The following NPRL3 variants were observed in gnomAD, a reference collection of about 807,000 sequenced individuals.
The protein encoded by NPRL3 is GATOR1 complex protein NPRL3.
A neutral mutation model predicts 57.2 loss-of-function variants in NPRL3; 23 were observed. That is an observed-to-expected ratio of 0.40 (90% CI 0.29 to 0.57). The LOEUF (loss-of-function observed/expected upper bound fraction) is 0.57, where lower values mean the gene tolerates loss of function less well. Ranked by LOEUF, NPRL3 falls within the 20% of genes least tolerant of loss-of-function variation. The pLI is 0.42. For missense variants in NPRL3, 691 were observed against 767.1 expected (o/e 0.90, Z 1.17); for synonymous variants, 333 against 321.1 (o/e 1.04, Z -0.39).
intron 9 of NPRL3, among the ~76,000 whole-genome samples, chr16:94,540 G>A (rs1185111070): frequency 5.9e-5 from 9 of 152,168 alleles, no homozygotes; most frequent in African/African-American, 2.2e-4. Flanking sequence ...CCTGAACCTC[G>A]GAGTTCGAGA....
chr16:116,974 CA>C (rs34231279), intron 5 of NPRL3, among the ~76,000 whole-genome samples: 76,504 of 149,358 alleles, frequency 0.51, 21,218 homozygotes, highest in African/African-American at 0.74. Context: ...GATTCTGTCT[CA>C]AAAAAAAAAA....
chr16:129,812 A>T (rs1457676104), intron 3 of NPRL3, among the ~76,000 whole-genome samples: 1 of 152,206 alleles, frequency 6.6e-6, no homozygotes, highest in Admixed American at 6.6e-5. Context: ...GTGGAAGCCA[A>T]GTCCTTTACT....
rs772565196 is a variant in NPRL3 at position 89,852 on chromosome 16, G to T, written c.1212C>A (p.Ile404=). The T allele has an allele frequency of 1.3e-5, 20 of 1,572,754 alleles. No homozygotes were observed. In the African/African-American group the frequency reaches 2.4e-4, roughly 19 times the overall value. ...TCAGGCAGACATAGGTGTGCAGCTG[G>T]ATGAGAAGCCGGCGCTGCAGCATCC... ...VVWMLQRRLL[I]QLHTYVCLMA... The change falls in exon 12 of 14, where the codon ATC becomes ATA. Residue 404 remains isoleucine (I), a synonymous_variant. Transcript: ENST00000611875.
intron 3 of NPRL3, among the ~76,000 whole-genome samples, chr16:120,038 G>A (rs1900217133): frequency 6.6e-6 from 1 of 152,158 alleles, no homozygotes; most frequent in African/African-American, 2.4e-5. Flanking sequence ...CCTGCCTGGG[G>A]AGATCTGGAT....
chr16:106,527 G>A (rs371250564), intron 7 of NPRL3, among the ~76,000 whole-genome samples: 4 of 150,878 alleles, frequency 2.7e-5, no homozygotes, highest in African/African-American at 4.9e-5. Context: ...CCAGCTACTC[G>A]GGAGGCCGAG....
At chr16:94,958 C>T (rs376844095) in intron 9 of NPRL3, among the ~76,000 whole-genome samples, 11 of 152,278 alleles carry the variant, frequency 7.2e-5, no homozygotes, top group East Asian at 1.9e-4. Flanking sequence ...AAGGTGCCAG[C>T]AGGACCAGGC....
chr16:117,738 C>T (rs1900107257), intron 4 of NPRL3, among the ~76,000 whole-genome samples: 1 of 152,240 alleles, frequency 6.6e-6, no homozygotes, highest in Non-Finnish European at 1.5e-5. Flanking sequence ...GACGCATACT[C>T]AGAACAATTG....
rs1901223419 is a variant in NPRL3, at chr16:138,327, G to C, written c.-60C>G. ...CCAGAGGAGGACGGAGCCGGAGGCG[G>C]AGGGGGCCTGAGGAGGACGGAGCCG... On this transcript the variant is annotated 5_prime_UTR_variant, in exon 2 of 14. Coordinates refer to ENST00000611875, the MANE Select transcript of NPRL3 (RefSeq NM_001077350.3). 7 of 799,392 alleles carry C rather than the reference G, an allele frequency of 8.8e-6. No individual in the cohort carries two copies. The South Asian group carries it at 9.0e-5, about 10-fold the overall frequency. The allele number at this position is 799,392 out of a possible 1,614,324, so 49.5% of individuals were successfully genotyped here.
At chr16:134,691 ATTATTTTTTTTT>A (rs1486777616) in intron 2 of NPRL3, among the ~76,000 whole-genome samples, 3 of 108,498 alleles carry the variant, frequency 2.8e-5, no homozygotes, top group Admixed American at 1.2e-4. Context: ...AGTAATTATT[ATTATTTTTTTTT>A]TTTTTTTTTT....
chr16:99,464 G>A (rs1011915237), intron 8 of NPRL3, among the ~76,000 whole-genome samples: 7 of 151,950 alleles, frequency 4.6e-5, no homozygotes, highest in African/African-American at 1.7e-4. Flanking sequence ...CCAACATGGT[G>A]AAACCCCATC....
At chr16:123,057 T>C (rs1166500998) in intron 3 of NPRL3, among the ~76,000 whole-genome samples, 1 of 152,170 alleles carries the variant, frequency 6.6e-6, no homozygotes, top group Non-Finnish European at 1.5e-5. Context: ...GCATCACACT[T>C]AATGCCCAAC....
chr16:106,792 C>T (rs1168147079), intron 7 of NPRL3, among the ~76,000 whole-genome samples: 1 of 152,132 alleles, frequency 6.6e-6, no homozygotes, highest in Non-Finnish European at 1.5e-5. Context: ...GAAAGGCGCT[C>T]TGTCCTAGGT....
chr16:117,282 C>T lies in NPRL3; in HGVS notation c.393+19G>A. The stretch of plus-strand genomic sequence containing the variant: ...ACTGGCCCCACTCCCTGATCTTAAC[C>T]ATTTATATAAACACTCACCCTCAGT... On this transcript the variant is annotated intron_variant, in intron 5 of 13. Coordinates refer to ENST00000611875, the MANE Select transcript of NPRL3 (RefSeq NM_001077350.3). 1 of 1,567,976 alleles carries T rather than the reference C, an allele frequency of 6.4e-7. No homozygotes were observed.
At chr16:126,239 G>C (rs371665966) in intron 3 of NPRL3, 5 of 147,508 alleles carry the variant, frequency 3.4e-5, no homozygotes, top group Non-Finnish European at 5.9e-5. Flanking sequence ...TGGCCAACAT[G>C]GAGAAACCCT....
intron 12 of NPRL3, chr16:89,162 G>C (rs1329340131): frequency 2.6e-5 from 12 of 464,694 alleles, no homozygotes; most frequent in Middle Eastern, 5.6e-4. Context: ...ACCCCAAGGT[G>C]GGCCTGGGCA....
rs187634817 is a variant in NPRL3 at position 119,468 on chromosome 16, G to A, written c.189-213C>T. 4 of 583,990 alleles carry A rather than the reference G, an allele frequency of 6.8e-6. No individual in the cohort carries two copies. In the Admixed American group the frequency reaches 9.0e-5, roughly 13 times the overall value. The allele number at this position is 583,990 out of a possible 1,614,324, so 36.2% of individuals were successfully genotyped here. ...ACCAGAATTACAAGGTAAAAGGCAT[G>A]AGAAGCACAGACTGAAGGCACATGC... is the stretch of plus-strand genomic sequence containing the variant. On this transcript the variant is annotated intron_variant, in intron 3 of 13. Coordinates refer to ENST00000611875, the MANE Select transcript of NPRL3 (RefSeq NM_001077350.3).
At chr16:121,513 G>T (rs1023859829) in intron 3 of NPRL3, among the ~76,000 whole-genome samples, 1 of 151,918 alleles carries the variant, frequency 6.6e-6, no homozygotes, top group Non-Finnish European at 1.5e-5. Flanking sequence ...CCAGCTAGTC[G>T]GGAGGCTGAG....
At position 88,910 on chromosome 16, in the gene NPRL3, G is replaced by A; in HGVS notation, c.1352-20C>T. ...TGCTGGCTGTGGGGGACATGGGTCA[G>A]GGTGACCAAGTGGAATTCCAGGACA... is the stretch of plus-strand genomic sequence containing the variant. On this transcript the variant is annotated intron_variant, in intron 12 of 13. Transcript: ENST00000611875. The A allele has an allele frequency of 6.3e-7, 1 of 1,598,228 alleles. No homozygotes were observed. The highest frequency in any genetic ancestry group is 2.3e-5 in the East Asian group (1 of 44,396).
In NPRL3 at chr16:98,796, G is replaced by C. The variant is rs1428105694; in HGVS notation, c.768-495C>G. ...CTACTAAAAATAAAAAAATTATCCG[G>C]GTGTGGTTGCACCCACCTGGGGTCC... On this transcript the variant is annotated intron_variant, in intron 8 of 13. Transcript: ENST00000611875. Among the ~76,000 whole-genome samples the C allele has an allele frequency of 2.0e-5, 3 of 152,104 alleles. No individual in the cohort carries two copies. The East Asian group carries it at 5.8e-4, about 29-fold the overall frequency.
Sources: allele counts gnomAD v4.1 joint callset (sites outside exome capture counted in the v4.1 genomes callset), GRCh38; gene constraint gnomAD v4.1.1; transcripts MANE v1.5; gene names NCBI Gene and HGNC (gene_info 2026-07-23, HGNC 2026-07-21).